PFKL: variants seen among roughly 807,000 people sequenced by gnomAD.
PFKL encodes ATP-dependent 6-phosphofructokinase, liver type.
Under a neutral mutation model 92.1 loss-of-function variants are expected in PFKL, and 74 were observed. That is an observed-to-expected ratio of 0.80 (90% CI 0.67 to 0.97). PFKL has a LOEUF of 0.97. PFKL is among the 50% of genes least tolerant of loss of function. PFKL has a pLI of 0.00. For synonymous variants in PFKL, 494 were observed against 456.4 expected, an observed-to-expected ratio of 1.08 and a Z score of -1.05; for missense variants, 1,028 against 1,116.6, an observed-to-expected ratio of 0.92 and a Z score of 1.13.
intron 1 of PFKL, chr21:44,305,819 C>T (rs1183002794): frequency 7.3e-7 from 1 of 1,366,818 alleles, no homozygotes. Flanking sequence ...TTTGCCAAGG[C>T]CCCCGCTGGG....
chr21:44,314,621 CTG>C (rs2047149550), intron 7 of PFKL: 2 of 151,730 alleles, frequency 1.3e-5, no homozygotes, highest in African/African-American at 4.9e-5. Flanking sequence ...AGGGGTGTGT[CTG>C]GAGTGGGGGT....
At chr21:44,317,203 C>T (rs553694273) in intron 9 of PFKL, among the ~76,000 whole-genome samples, 39 of 152,202 alleles carry the variant, frequency 2.6e-4, no homozygotes, top group Non-Finnish European at 5.0e-4. Flanking sequence ...GGGTGGTCAC[C>T]CTCTCAGGCA....
Position 44,316,324 on chromosome 21 carries a change from C to T in PFKL, c.828C>T (p.Ser276=). 6.2e-7 allele frequency: 1 copy of T among 1,613,296 alleles called. No individual in the cohort carries two copies. Among genetic ancestry groups the T allele is most frequent in the African/African-American group, 1.3e-5 (1 of 75,054 alleles). The change falls in exon 8 of 22, where the codon TCC becomes TCT. Residue 276 remains serine, a synonymous_variant. Coordinates refer to ENST00000349048, the MANE Select transcript of PFKL (RefSeq NM_002626.6). The part of the protein sequence containing the change: ...AIDRNGKPIS[S]SYVKDLVVQR... ...ACCGCAACGGGAAGCCCATCTCGTC[C>T]AGCTACGTGAAGGACGTGCGTGTGG...
chr21:44,314,246 C>T (rs563556656), intron 7 of PFKL: 506 of 562,724 alleles, frequency 9.0e-4, no homozygotes, highest in African/African-American at 8.3e-3. Context: ...CGGAGAGGGT[C>T]ACTCAGGCTG....
chr21:44,312,122 C>T lies in PFKL; in HGVS notation c.255C>T (p.Gly85=), dbSNP rs143228699. ...NIIQLGGTII[G]SARCKAFTTR... ...CTGTGCAGGGCGGCACTATCATTGG[C>T]AGCGCTCGCTGCAAGGCCTTTACCA... The change falls in exon 4 of 22, where the codon GGC becomes GGT. Residue 85 remains glycine (G), a synonymous_variant. Coordinates refer to ENST00000349048, the MANE Select transcript of PFKL (RefSeq NM_002626.6). 1.2e-5 allele frequency: 18 copies of T among 1,562,974 alleles called. No homozygotes were observed. The African/African-American group carries it at 1.8e-4, about 16-fold the overall frequency.
At chr21:44,313,849 T>C in intron 6 of PFKL, 64 bp from the exon 7 acceptor site, 1 of 1,402,096 alleles carries the variant, frequency 7.1e-7, no homozygotes. Context: ...GACCTCTGGG[T>C]ACAGGGAAGC....
intron 16 of PFKL, among the ~76,000 whole-genome samples, chr21:44,324,180 G>C (rs2047433451): frequency 6.6e-6 from 1 of 152,178 alleles, no homozygotes; most frequent in South Asian, 2.1e-4. Context: ...CTGCGCCCCA[G>C]TGCTGGGTAG....
chr21:44,312,045 T>A (rs2047060606), intron 3 of PFKL, 60 bp from the exon 4 acceptor site: 1 of 1,307,198 alleles, frequency 7.6e-7, no homozygotes, highest in South Asian at 1.8e-5. Flanking sequence ...CCTCTGGTGA[T>A]CCCCAGGGGC....
rs531135307 is a variant in PFKL at position 44,322,118 on chromosome 21, A to C, written c.1339-15A>C. On this transcript the variant is annotated splice_polypyrimidine_tract_variant and intron_variant, in intron 13 of 21. Coordinates refer to ENST00000349048, the MANE Select transcript of PFKL (RefSeq NM_002626.6). ...GGCTCAGGCTGGCCCCTGAAGCTGC[A>C]TCTCCTCCTGGCAGGTGCAAGAAGT... 6.2e-7 allele frequency: 1 copy of C among 1,600,576 alleles called. No individual in the cohort carries two copies. Among genetic ancestry groups the C allele is most frequent in the Admixed American group, 1.7e-5 (1 of 59,422 alleles).
chr21:44,306,320 C>A (rs1037594001), intron 1 of PFKL, among the ~76,000 whole-genome samples: 1 of 152,176 alleles, frequency 6.6e-6, no homozygotes, highest in African/African-American at 2.4e-5. Context: ...CCCAGTTTAT[C>A]TCTGGGCACC....
At chr21:44,325,910 G>A (rs780501765) in intron 19 of PFKL, 51 bp from the exon 20 acceptor site, 2 of 1,442,230 alleles carry the variant, frequency 1.4e-6, no homozygotes. Context: ...CGTTGGCCTT[G>A]GCCCAGGCAG....
chr21:44,321,733 A>G lies in PFKL; in HGVS notation c.1196A>G (p.Asn399Ser), dbSNP rs750365345. ...CATCTCCCCTTCTCTCTGAAGTCTAACTTCTCCCTGGCCATCCTGAATGTG... is the reference window on the plus strand; with the variant it reads ...CATCTCCCCTTCTCTCTGAAGTCTAGCTTCTCCCTGGCCATCCTGAATGTG... ...AHQKPPKEKS[N>S]FSLAILNVGA... Residue 399 changes from asparagine (N) to serine (S), a missense_variant, in exon 13 of 22, where the codon AAC (asparagine) becomes AGC (serine). By Grantham distance (46) the Asn-to-Ser change is conservative (BLOSUM62 1). Coordinates refer to ENST00000349048, the MANE Select transcript of PFKL (RefSeq NM_002626.6). The G allele has an allele frequency of 5.1e-6, 8 of 1,565,722 alleles. No individual in the cohort carries two copies. The highest frequency in any genetic ancestry group is 6.1e-6 in the Non-Finnish European group (7 of 1,155,994).
rs1045428133 is a variant in PFKL at position 44,326,733 on chromosome 21, G to A, written c.2214G>A (p.Glu738=). The A allele has an allele frequency of 1.6e-5, 26 of 1,611,720 alleles. No individual in the cohort carries two copies. In the African/African-American group the frequency reaches 2.9e-4, roughly 18 times the overall value. The change falls in exon 22 of 22, where the codon GAG becomes GAA. Residue 738 remains glutamate (E), a synonymous_variant. Coordinates refer to ENST00000349048, the MANE Select transcript of PFKL (RefSeq NM_002626.6). Reference sequence around the variant, plus strand: ...TGCACAGGCACCGCATGCCACGGGAGCAGTGGTGGCTGAGCCTGCGGCTCA... The same window carrying A: ...TGCACAGGCACCGCATGCCACGGGAACAGTGGTGGCTGAGCCTGCGGCTCA... The part of the protein sequence containing the change: ...DTDFEHRMPR[E]QWWLSLRLML...
intron 1 of PFKL, among the ~76,000 whole-genome samples, chr21:44,305,009 T>C (rs55678871): frequency 0.38 from 58,468 of 151,906 alleles, 11,807 homozygotes; most frequent in East Asian, 0.59. Flanking sequence ...GTGCCCCTTC[T>C]TCTGGATGGC....
At position 44,321,876 on chromosome 21, in the gene PFKL, G is replaced by A; in HGVS notation, c.1338+1G>A. 1 of 1,537,152 alleles carries A rather than the reference G, an allele frequency of 6.5e-7. No homozygotes were observed. ...CTTCGAAGGCCTAGCCAAGGGTCAG[G>A]TGGGTCCGGCCGGGGCAAACAAGTG... On this transcript the variant is annotated splice_donor_variant, in intron 13 of 21. Transcript: ENST00000349048. LOFTEE classifies it high-confidence loss of function.
At chr21:44,313,352 T>C (rs2047109601) in intron 5 of PFKL, among the ~76,000 whole-genome samples, 1 of 152,304 alleles carries the variant, frequency 6.6e-6, no homozygotes, top group African/African-American at 2.4e-5. Context: ...TGCAGCCCCT[T>C]CTGAGGGGCA....
intron 7 of PFKL, chr21:44,314,469 G>A (rs920123561): frequency 5.8e-6 from 1 of 173,046 alleles, no homozygotes; most frequent in African/African-American, 2.4e-5. Flanking sequence ...GGGGCCCGGG[G>A]GTGGGTTCTA....
chr21:44,305,938 G>A (rs1601997936), intron 1 of PFKL: 1 of 1,357,056 alleles, frequency 7.4e-7, no homozygotes. Context: ...GCTGGGGGGT[G>A]AGGGTCCCTG....
Position 44,320,124 on chromosome 21 carries a change from C to T in PFKL, c.1168C>T (p.His390Tyr). 1.9e-6 allele frequency: 3 copies of T among 1,613,522 alleles called. No individual in the cohort carries two copies. The highest frequency in any genetic ancestry group is 2.5e-6 in the Non-Finnish European group (3 of 1,179,842). Residue 390 changes from histidine to tyrosine, a missense_variant, in exon 12 of 22, where the codon CAC (histidine) becomes TAC (tyrosine). Coordinates refer to ENST00000349048, the MANE Select transcript of PFKL (RefSeq NM_002626.6). ...NNWNIYKLLA[H>Y]QKPPKEKSNF... is the part of the protein sequence containing the mutation. Reference sequence around the variant, plus strand: ...CTGGAACATTTACAAGCTCCTCGCCCACCAGAAGCCCCCCAAGGAGAAGGT... The same window carrying T: ...CTGGAACATTTACAAGCTCCTCGCCTACCAGAAGCCCCCCAAGGAGAAGGT...
Sources: allele counts gnomAD v4.1 joint callset (sites outside exome capture counted in the v4.1 genomes callset), GRCh38; gene constraint gnomAD v4.1.1; transcripts MANE v1.5; gene names NCBI Gene and HGNC (gene_info 2026-07-23, HGNC 2026-07-21).